The following COL2A1 variants were observed in gnomAD, a reference collection of about 807,000 sequenced individuals.
COL2A1 encodes the protein collagen type II alpha 1 chain, also known as collagen alpha-1(II) chain.
COL2A1 carries 28 observed loss-of-function variants against 204.5 expected under a neutral mutation model. That is an observed-to-expected ratio of 0.14 (90% CI 0.10 to 0.19). The LOEUF (loss-of-function observed/expected upper bound fraction) is 0.19. Ranked by LOEUF, COL2A1 falls within the 10% of genes least tolerant of loss-of-function variation. COL2A1 has a pLI of 1.00. For synonymous variants in COL2A1, 708 were observed against 718.7 expected (o/e 0.99, Z 0.24); for missense variants, 1,388 against 2,027.5 (o/e 0.68, Z 6.06).
intron 15 of COL2A1, 34 bp downstream of exon 15, chr12:47,993,424 T>G (rs760930119): frequency 6.4e-7 from 1 of 1,552,176 alleles, no homozygotes. Context: ...TGAAGAGTCT[T>G]TGATAAACCT....
At chr12:47,982,205 C>T (rs774729212) in intron 34 of COL2A1, 45 bp from the exon 35 acceptor site, 1 of 1,565,588 alleles carries the variant, frequency 6.4e-7, no homozygotes, top group South Asian at 1.1e-5. Flanking sequence ...CACCCCAGGA[C>T]CCCCATGGTT....
At chr12:47,996,936 G>C (rs1939992608) in intron 7 of COL2A1, among the ~76,000 whole-genome samples, 2 of 152,124 alleles carry the variant, frequency 1.3e-5, no homozygotes, top group African/African-American at 4.8e-5. Context: ...AACGTATATG[G>C]AGAAACATAA....
rs1409377649 is a variant in COL2A1 at position 47,982,922 on chromosome 12, G to A, written c.2119C>T (p.Arg707Cys). The A allele has an allele frequency of 3.1e-6, 5 of 1,613,512 alleles. No homozygotes were observed. The highest frequency in any genetic ancestry group is 3.4e-6 in the Non-Finnish European group (4 of 1,179,926). ...PRGERGFPGE[R>C]GSPGAQGLQG... The stretch of plus-strand genomic sequence containing the variant: ...AGGCCCTGGGCACCGGGAGAGCCAC[G>A]TTCACCTGGGAAACCTCGTTCACCC... The change falls in exon 33 of 54, where the codon CGT (arginine) becomes TGT (cysteine). Residue 707 changes from arginine (R) to cysteine (C), a missense_variant. Physicochemically the swap from Arg to Cys is radical, Grantham distance 180. This residue lies in a region of COL2A1 where 884 missense variants were observed against 1,415.8 expected (regional missense o/e 0.62). Coordinates refer to ENST00000380518, the MANE Select transcript of COL2A1 (RefSeq NM_001844.5).
Position 47,983,082 on chromosome 12 carries a change from A to G in COL2A1, c.2094+11T>C. The G allele has an allele frequency of 6.2e-7, 1 of 1,613,958 alleles. No homozygotes were observed. ...AAGGAGGCAGCCCGCATTGGCCAACAGGATACTCACCCTGGGACCCACGAG... is the reference window on the plus strand; with the variant it reads ...AAGGAGGCAGCCCGCATTGGCCAACGGGATACTCACCCTGGGACCCACGAG... On this transcript the variant is annotated intron_variant, in intron 32 of 53. Coordinates refer to ENST00000380518, the MANE Select transcript of COL2A1 (RefSeq NM_001844.5).
Position 47,976,703 on chromosome 12 carries a change from C to G in COL2A1, c.3435+109G>C. On this transcript the variant is annotated intron_variant, in intron 48 of 53. Coordinates refer to ENST00000380518, the MANE Select transcript of COL2A1 (RefSeq NM_001844.5). The surrounding 1 kb of genome is among the most constrained non-coding windows in gnomAD (Gnocchi z 4.3). ...TCCTCCCTCCAGCCCTGAGGAAATC[C>G]TAGAAACTGCTTAGGGTGATCCCAA... 1 of 1,381,420 alleles carries G rather than the reference C, an allele frequency of 7.2e-7. No homozygotes were observed. The allele number at this position is 1,381,420 out of a possible 1,614,324, so 85.6% of individuals were successfully genotyped here.
chr12:47,986,954 C>T (rs1433296652), intron 21 of COL2A1, 66 bp from the exon 22 acceptor site: 1 of 1,605,832 alleles, frequency 6.2e-7, no homozygotes, highest in Admixed American at 1.7e-5. Context: ...CCCAGAACCC[C>T]TGTTCAAGAT....
intron 12 of COL2A1, 100 bp downstream of exon 12, chr12:47,994,324 A>G (rs1939845446): frequency 2.3e-6 from 3 of 1,313,318 alleles, no homozygotes; most frequent in South Asian, 2.4e-5. Flanking sequence ...CTGGCGTTTC[A>G]TCTCAGAAGT....
At chr12:47,992,113 C>T (rs892046819) in intron 16 of COL2A1, among the ~76,000 whole-genome samples, 1 of 152,134 alleles carries the variant, frequency 6.6e-6, no homozygotes, top group South Asian at 2.1e-4. Context: ...CAGCTTTCAT[C>T]GCATCACTCG....
At chr12:47,997,848 A>C (rs769411632) in intron 6 of COL2A1, 23 bp downstream of exon 6, 35 of 1,613,974 alleles carry the variant, frequency 2.2e-5, no homozygotes, top group Non-Finnish European at 2.6e-5. Flanking sequence ...CACCAGGGTC[A>C]AGCAGCATTG....
intron 2 of COL2A1, chr12:47,998,646 C>A (rs1014205149): frequency 5.1e-6 from 3 of 589,414 alleles, no homozygotes; most frequent in Non-Finnish European, 6.1e-6. Context: ...TGGAGGTGAC[C>A]CAGACTTTGT....
chr12:47,997,413 C>G (rs767346706), intron 7 of COL2A1, among the ~76,000 whole-genome samples, 193 bp downstream of exon 7: 23 of 152,212 alleles, frequency 1.5e-4, no homozygotes, highest in Admixed American at 1.4e-3. Context: ...GTGAAAAAAG[C>G]CAGCCCTTAG....
chr12:48,003,896 A>G (rs767799185), intron 1 of COL2A1, among the ~76,000 whole-genome samples: 1 of 152,236 alleles, frequency 6.6e-6, no homozygotes, highest in East Asian at 1.9e-4. Flanking sequence ...AGCTGTGTGC[A>G]TGTGCGCCTA....
chr12:47,999,809 T>C (rs1420431136), intron 2 of COL2A1, 110 bp downstream of exon 2: 1 of 944,446 alleles, frequency 1.1e-6, no homozygotes, highest in African/African-American at 1.6e-5. Flanking sequence ...CCAGGTCCCA[T>C]GGATAACTAG....
Position 47,986,850 on chromosome 12 carries a change from G to T in COL2A1, c.1404C>A (p.Gly468=), listed in dbSNP as rs1939445093. 6.2e-7 allele frequency: 1 copy of T among 1,614,062 alleles called. No homozygotes were observed. ...AGATACTCACAGGTTCTCCCTTGGG[G>T]CCTTGTTCACCTTTGAAGCCAGCAA... ...PGIAGFKGEQ[G]PKGEPGPAGP... is the part of the protein sequence containing the mutation. Residue 468 remains glycine (G), a synonymous_variant, in exon 22 of 54, where the codon GGC becomes GGA. Coordinates refer to ENST00000380518, the MANE Select transcript of COL2A1 (RefSeq NM_001844.5).
At chr12:47,999,435 C>G (rs1267333638) in intron 2 of COL2A1, among the ~76,000 whole-genome samples, 32 of 152,288 alleles carry the variant, frequency 2.1e-4, no homozygotes, top group Non-Finnish European at 7.3e-5. Context: ...TTCCATAACT[C>G]AAAGAGGGAG....
rs1447011592 is a variant in COL2A1, at chr12:47,973,010, T to A, written c.*397A>T. 2 of 501,492 alleles carry A rather than the reference T, an allele frequency of 4.0e-6. No individual in the cohort carries two copies. Among genetic ancestry groups the A allele is most frequent in the Non-Finnish European group, 7.0e-6 (2 of 286,540 alleles). 31.1% of individuals were successfully genotyped at this position (501,492 alleles called of 1,614,324 possible). On this transcript the variant is annotated 3_prime_UTR_variant, in exon 54 of 54. Transcript: ENST00000380518. ...TCATTTTTAATATCAATTGATGTTT[T>A]AAAAAATACAGAGGTGTTTGACACA...
rs1029323153 is a variant in COL2A1 at position 47,974,931 on chromosome 12, G to A, written c.3887-69C>T. On this transcript the variant is annotated intron_variant, in intron 51 of 53. Coordinates refer to ENST00000380518, the MANE Select transcript of COL2A1 (RefSeq NM_001844.5). ...CAGACACAAAAGCTTGAGAGACCCA[G>A]GCCTGACTGAAAGAGACAGAGAGGC... 69 of 1,503,822 alleles carry A rather than the reference G, an allele frequency of 4.6e-5. 1 individual carries two copies. Among genetic ancestry groups the A allele is most frequent in the Non-Finnish European group, 5.8e-5 (64 of 1,105,218 alleles). The allele number at this position is 1,503,822 out of a possible 1,614,324, so 93.2% of individuals were successfully genotyped here. A position where few individuals can be genotyped will look rare whatever the true frequency, so the allele number is the denominator to read the frequency against.
chr12:47,985,328 C>T (rs1351631539), intron 26 of COL2A1, among the ~76,000 whole-genome samples: 6 of 152,144 alleles, frequency 3.9e-5, no homozygotes, highest in Admixed American at 6.5e-5. Flanking sequence ...GGATAAGCCC[C>T]GAATGCATAC....
chr12:47,976,192 C>T lies in COL2A1; in HGVS notation c.3490-122G>A. On this transcript the variant is annotated intron_variant, in intron 49 of 53. Transcript: ENST00000380518. The surrounding 1 kb of genome is among the most constrained non-coding windows in gnomAD (Gnocchi z 4.3). ...CACTCCGCCCCCAGTTCTTCACATG[C>T]TCAGTCATGGAACCCTAAGTTGGTC... The T allele has an allele frequency of 1.3e-6, 1 of 785,618 alleles. No homozygotes were observed. Among genetic ancestry groups the T allele is most frequent in the Non-Finnish European group, 2.3e-6 (1 of 437,010 alleles). The allele number at this position is 785,618 out of a possible 1,614,324, so 48.7% of individuals were successfully genotyped here. A position where few individuals can be genotyped will look rare whatever the true frequency, so the allele number is the denominator to read the frequency against.
Sources: allele counts gnomAD v4.1 joint callset (sites outside exome capture counted in the v4.1 genomes callset), GRCh38; gene constraint gnomAD v4.1.1; regional missense constraint gnomAD v4.1.1; non-coding constraint Gnocchi (gnomAD v3.1); transcripts MANE v1.5; gene names NCBI Gene and HGNC (gene_info 2026-07-23, HGNC 2026-07-21).